PVT1: variants seen among roughly 807,000 people sequenced by gnomAD.
PVT1 encodes the protein CXCR4/PVT1 fusion.
intron 3 of PVT1, among the ~76,000 whole-genome samples, chr8:127,985,369 T>C (rs1389523491): frequency 6.6e-6 from 1 of 151,222 alleles, no homozygotes; most frequent in African/African-American, 2.4e-5. Context: ...TCAAACGATC[T>C]TCCTGCCTAA....
intron 5 of PVT1, among the ~76,000 whole-genome samples, chr8:128,071,523 ATT>A (rs67866405): frequency 9.6e-4 from 130 of 135,642 alleles, no homozygotes; most frequent in South Asian, 4.7e-3. Flanking sequence ...CTCTATAAAA[ATT>A]TTTAAAAAAA....
intron 2 of PVT1, among the ~76,000 whole-genome samples, chr8:127,824,590 C>T (rs761744387): frequency 6.6e-6 from 1 of 152,080 alleles, no homozygotes; most frequent in African/African-American, 2.4e-5. Flanking sequence ...GAAAATAAGT[C>T]GTGTTAACGC....
chr8:128,082,589 T>C (rs549775825), intron 5 of PVT1, among the ~76,000 whole-genome samples: 2 of 152,136 alleles, frequency 1.3e-5, no homozygotes, highest in African/African-American at 2.4e-5. Flanking sequence ...GAAGTCAGAC[T>C]CTTATCCCAA....
At chr8:128,001,251 G>A (rs1817173555) in intron 4 of PVT1, among the ~76,000 whole-genome samples, 1 of 152,174 alleles carries the variant, frequency 6.6e-6, no homozygotes, top group African/African-American at 2.4e-5. Context: ...CTGTTTCCCA[G>A]CCTGCTGTGC....
At chr8:127,842,734 G>A (rs1263419067) in intron 2 of PVT1, among the ~76,000 whole-genome samples, 1 of 152,076 alleles carries the variant, frequency 6.6e-6, no homozygotes. Context: ...CCTCCCTCTT[G>A]CTTCAGAAGA....
In PVT1 at chr8:127,984,994, TTTCCTTCCTTCC is replaced by T. The variant is rs1202727973; in HGVS notation, n.783-4137_783-4126del. On this transcript the variant is annotated intron_variant and non_coding_transcript_variant, in intron 3 of 10. Coordinates refer to ENST00000651587, the Ensembl canonical transcript of PVT1. ...TCCTTCCTTCCTTTCTTTCTTTCTC[TTTCCTTCCTTCC>T]TTCCTTCCTTCCTTCCTTCCTTCCT... Among the ~76,000 whole-genome samples, 642 of 67,128 alleles carry T rather than the reference TTTCCTTCCTTCC, an allele frequency of 9.6e-3. 38 individuals are homozygous for T. The highest frequency in any genetic ancestry group is 0.014 in the African/African-American group (222 of 16,036). The allele number at this position is 67,128 out of a possible 152,430, so 44.0% of individuals were successfully genotyped here. A position where few individuals can be genotyped will look rare whatever the true frequency, so the allele number is the denominator to read the frequency against.
At chr8:127,840,737 G>C (rs972180918) in intron 2 of PVT1, among the ~76,000 whole-genome samples, 3 of 152,248 alleles carry the variant, frequency 2.0e-5, no homozygotes, top group Non-Finnish European at 4.4e-5. Context: ...TCCCCTAAGA[G>C]GGTGGCACCG....
intron 2 of PVT1, among the ~76,000 whole-genome samples, chr8:127,798,241 T>A (rs1586383976): frequency 1.3e-5 from 2 of 150,860 alleles, no homozygotes; most frequent in African/African-American, 4.9e-5. Context: ...GAGGCGGAGG[T>A]TGCCGGGAGC....
intron 4 of PVT1, among the ~76,000 whole-genome samples, chr8:128,003,351 CCTTCTCCTT>C (rs1563663007): frequency 6.6e-6 from 1 of 150,620 alleles, no homozygotes; most frequent in Non-Finnish European, 1.5e-5. Flanking sequence ...CCCTTCTCCT[CCTTCTCCTT>C]CTCCTTTTTC....
intron 3 of PVT1, among the ~76,000 whole-genome samples, chr8:127,934,718 G>C (rs1816251110): frequency 1.3e-5 from 2 of 152,132 alleles, no homozygotes; most frequent in African/African-American, 4.8e-5. Flanking sequence ...TGTTCCTTGG[G>C]GTAAGGGTCT....
At chr8:127,921,009 T>A (rs987808778) in intron 3 of PVT1, among the ~76,000 whole-genome samples, 2 of 152,198 alleles carry the variant, frequency 1.3e-5, no homozygotes, top group African/African-American at 2.4e-5. Flanking sequence ...AATAAAATAT[T>A]TAAGTGTTGG....
intron 3 of PVT1, among the ~76,000 whole-genome samples, chr8:127,926,041 G>C (rs905227553): frequency 6.6e-6 from 1 of 152,128 alleles, no homozygotes; most frequent in Non-Finnish European, 1.5e-5. Flanking sequence ...GGAGAGAGGC[G>C]TGGAGAAAAG....
chr8:127,897,004 G>A (rs1224945785), intron 3 of PVT1, among the ~76,000 whole-genome samples: 2 of 152,188 alleles, frequency 1.3e-5, no homozygotes, highest in Non-Finnish European at 2.9e-5. Context: ...GCTAGAGCCT[G>A]TGGGTATGAA....
intron 4 of PVT1, among the ~76,000 whole-genome samples, chr8:128,028,226 G>A (rs1327006790): frequency 3.9e-5 from 6 of 152,260 alleles, no homozygotes; most frequent in African/African-American, 1.2e-4. Context: ...TGGTGCCGGC[G>A]CGCTGGCAGC....
intron 4 of PVT1, among the ~76,000 whole-genome samples, chr8:128,035,937 T>A (rs915733120): frequency 5.9e-5 from 9 of 152,374 alleles, no homozygotes; most frequent in African/African-American, 2.2e-4. Flanking sequence ...TAGTTCCTTA[T>A]GACTTAGTTC....
chr8:127,968,833 T>C (rs992006253), intron 3 of PVT1, among the ~76,000 whole-genome samples: 2 of 151,984 alleles, frequency 1.3e-5, no homozygotes, highest in African/African-American at 4.8e-5. Context: ...AGGAAGGCCA[T>C]GTGATGATGG....
intron 4 of PVT1, among the ~76,000 whole-genome samples, chr8:128,041,930 T>A (rs1035539118): frequency 1.4e-4 from 21 of 152,188 alleles, no homozygotes; most frequent in African/African-American, 4.1e-4. Context: ...CCCTCCAGTG[T>A]TCTGGGCAGC....
At chr8:127,834,618 T>C (rs1199472112) in intron 2 of PVT1, among the ~76,000 whole-genome samples, 3 of 152,062 alleles carry the variant, frequency 2.0e-5, no homozygotes, top group African/African-American at 7.2e-5. Flanking sequence ...GAAACTACTA[T>C]CAGAGTCAAC....
chr8:127,847,088 C>T (rs1204171034), intron 2 of PVT1, among the ~76,000 whole-genome samples: 2 of 149,030 alleles, frequency 1.3e-5, no homozygotes, highest in South Asian at 2.1e-4. Flanking sequence ...CTGCAACCTC[C>T]GCTTCCCAGG....
Sources: allele counts gnomAD v4.1 joint callset (sites outside exome capture counted in the v4.1 genomes callset), GRCh38; gene constraint gnomAD v4.1.1; transcripts MANE v1.5; gene names NCBI Gene and HGNC (gene_info 2026-07-23, HGNC 2026-07-21).